Variants in MDFIC2 observed in about 807,000 individuals in gnomAD.
MDFIC2 encodes the protein MyoD family inhibitor domain containing 2.
At chr3:70,232,636 G>C (rs1024860183) in intron 2 of MDFIC2, among the ~76,000 whole-genome samples, 3 of 151,956 alleles carry the variant, frequency 2.0e-5, no homozygotes, top group African/African-American at 4.8e-5. Context: ...CTGAGCTCGT[G>C]ATCCGCCCGC....
chr3:70,279,334 C>T (rs533957012), intron 2 of MDFIC2, among the ~76,000 whole-genome samples: 2 of 152,142 alleles, frequency 1.3e-5, no homozygotes, highest in East Asian at 3.9e-4. Context: ...GGTGATACAG[C>T]TAAGATTTGA....
rs573026076 is a variant in MDFIC2 at position 70,252,598 on chromosome 3, A to G, written c.89-45808T>C. On this transcript the variant is annotated intron_variant, in intron 2 of 3. Transcript: ENST00000567252. ...GCCAGATAACAGGAATGAGATATCC[A>G]TGGTAAACCGGAGAAGATGTGCCCC... is the stretch of plus-strand genomic sequence containing the variant. Among the ~76,000 whole-genome samples, 3 of 152,316 alleles carry G rather than the reference A, an allele frequency of 2.0e-5. No homozygotes were observed. In the South Asian group the frequency reaches 6.2e-4, roughly 32 times the overall value.
At chr3:70,235,890 A>G (rs565543663) in intron 2 of MDFIC2, among the ~76,000 whole-genome samples, 5 of 152,322 alleles carry the variant, frequency 3.3e-5, no homozygotes, top group Admixed American at 6.5e-5. Context: ...TTAAATGTTC[A>G]TATTAGTGGT....
Position 70,282,291 on chromosome 3 carries a change from C to T in MDFIC2, c.88+29595G>A, listed in dbSNP as rs146129684. Among the ~76,000 whole-genome samples the T allele has an allele frequency of 1.2e-3, 190 of 152,282 alleles. 1 individual carries two copies. Among genetic ancestry groups the T allele is most frequent in the African/African-American group, 4.4e-3 (184 of 41,560 alleles). On this transcript the variant is annotated intron_variant, in intron 2 of 3. Transcript: ENST00000567252. Reference sequence around the variant, plus strand: ...ACACCTGGTGTTTCAGTAACAGACACACCACTTAAGAAGATGTATCCACCA... The same window carrying T: ...ACACCTGGTGTTTCAGTAACAGACATACCACTTAAGAAGATGTATCCACCA...
In MDFIC2 at chr3:70,301,150, G is replaced by C. The variant is rs903919808; in HGVS notation, c.88+10736C>G. Among the ~76,000 whole-genome samples, 5 of 152,134 alleles carry C rather than the reference G, an allele frequency of 3.3e-5. No homozygotes were observed. The East Asian group carries it at 9.7e-4, about 29-fold the overall frequency. ...AAAAGTTCTTTTCTTCTGAGACACA[G>C]CTGTAAAAAATTTAAGTTAATATTT... On this transcript the variant is annotated intron_variant, in intron 2 of 3. Coordinates refer to ENST00000567252, the MANE Select transcript of MDFIC2 (RefSeq NM_001364677.1).
At chr3:70,207,865 G>C (rs1701306761) in intron 2 of MDFIC2, among the ~76,000 whole-genome samples, 1 of 151,962 alleles carries the variant, frequency 6.6e-6, no homozygotes, top group South Asian at 2.1e-4. Flanking sequence ...GTTCCCCTCA[G>C]ACACTGAGGG....
intron 2 of MDFIC2, among the ~76,000 whole-genome samples, chr3:70,255,552 C>G (rs1701808312): frequency 6.6e-6 from 1 of 152,042 alleles, no homozygotes; most frequent in Non-Finnish European, 1.5e-5. Context: ...CCTGCAGCCT[C>G]AGTCCTCCTG....
chr3:70,233,627 C>G (rs960898394), intron 2 of MDFIC2, among the ~76,000 whole-genome samples: 3 of 152,178 alleles, frequency 2.0e-5, no homozygotes. Flanking sequence ...CAGAGTTTCC[C>G]TATGTCCTTT....
chr3:70,222,217 G>A lies in MDFIC2; in HGVS notation c.89-15427C>T, dbSNP rs184412571. 1.4e-3 allele frequency among the ~76,000 whole-genome samples: 207 copies of A among 152,260 alleles called. 3 individuals carry two copies. The South Asian group carries it at 0.017, about 13-fold the overall frequency. On this transcript the variant is annotated intron_variant, in intron 2 of 3. Coordinates refer to ENST00000567252, the MANE Select transcript of MDFIC2 (RefSeq NM_001364677.1). ...AGGCAGGTGAACAGTCAGAGCCTTGGAGAATTGTGGGTTTGGGTAAAATTC... is the reference window on the plus strand; with the variant it reads ...AGGCAGGTGAACAGTCAGAGCCTTGAAGAATTGTGGGTTTGGGTAAAATTC...
At position 70,195,672 on chromosome 3, in the gene MDFIC2, T is replaced by C. The variant is rs556163025; in HGVS notation, c.*1254A>G. 1.7e-3 allele frequency among the ~76,000 whole-genome samples: 253 copies of C among 152,342 alleles called. 3 individuals are homozygous for C. The highest frequency in any genetic ancestry group is 2.7e-3 in the Non-Finnish European group (184 of 68,028). On this transcript the variant is annotated 3_prime_UTR_variant, in exon 4 of 4. Transcript: ENST00000567252. ...TCCATTTCACTTTTGTGTTCTTTGT[T>C]TGGTTACTCATGCATGATGCTTTTT...
intron 2 of MDFIC2, among the ~76,000 whole-genome samples, chr3:70,258,427 C>CAG (rs141152943): frequency 8.6e-5 from 13 of 150,980 alleles, no homozygotes; most frequent in East Asian, 3.9e-4. Flanking sequence ...TATGTATTTA[C>CAG]AGAGAGAGAG....
intron 2 of MDFIC2, among the ~76,000 whole-genome samples, chr3:70,229,398 A>G (rs1251691592): frequency 2.0e-5 from 3 of 152,182 alleles, no homozygotes; most frequent in Non-Finnish European, 2.9e-5. Context: ...CATTTTAATT[A>G]CCCTCTCTTT....
At chr3:70,228,499 A>G (rs1415866070) in intron 2 of MDFIC2, among the ~76,000 whole-genome samples, 1 of 151,848 alleles carries the variant, frequency 6.6e-6, no homozygotes, top group Admixed American at 6.6e-5. Flanking sequence ...GTTTTGGGAG[A>G]AGGACCCCTG....
chr3:70,222,930 G>GTA (rs913154919), intron 2 of MDFIC2, among the ~76,000 whole-genome samples: 2 of 152,130 alleles, frequency 1.3e-5, no homozygotes, highest in African/African-American at 2.4e-5. Flanking sequence ...AGCCCAAATG[G>GTA]TATACCTACA....
At chr3:70,294,415 C>T (rs75481473) in intron 2 of MDFIC2, among the ~76,000 whole-genome samples, 4 of 151,732 alleles carry the variant, frequency 2.6e-5, no homozygotes, top group African/African-American at 7.3e-5. Flanking sequence ...ACTGTAGGTA[C>T]GTAGGAGAAT....
intron 2 of MDFIC2, among the ~76,000 whole-genome samples, chr3:70,232,120 G>A (rs1333007866): frequency 1.3e-5 from 2 of 152,156 alleles, no homozygotes; most frequent in Non-Finnish European, 2.9e-5. Flanking sequence ...GGTGACACTG[G>A]CAGCGAGATG....
At chr3:70,227,014 A>G (rs889627617) in intron 2 of MDFIC2, among the ~76,000 whole-genome samples, 1 of 152,122 alleles carries the variant, frequency 6.6e-6, no homozygotes, top group African/African-American at 2.4e-5. Flanking sequence ...ACCTCGAAAA[A>G]ATACATGCAT....
intron 2 of MDFIC2, among the ~76,000 whole-genome samples, chr3:70,306,797 G>A (rs139575880): frequency 6.6e-6 from 1 of 152,162 alleles, no homozygotes; most frequent in Admixed American, 6.5e-5. Flanking sequence ...TAGGTAGCTA[G>A]TTTTCTGAAG....
chr3:70,265,037 A>G (rs1701903275), intron 2 of MDFIC2, among the ~76,000 whole-genome samples: 1 of 152,186 alleles, frequency 6.6e-6, no homozygotes, highest in South Asian at 2.1e-4. Context: ...ACCATCAGAT[A>G]TCGTGAGACT....
Sources: gnomAD v4.1 joint callset for allele counts (sites outside exome capture counted in the v4.1 genomes callset) on GRCh38, gnomAD v4.1.1 for gene constraint, MANE v1.5 for transcripts, NCBI Gene and HGNC (gene_info 2026-07-23, HGNC 2026-07-21) for gene names.